KCTD8: variants seen among roughly 807,000 people sequenced by gnomAD.
KCTD8 encodes potassium channel tetramerization domain containing 8.
In KCTD8, 27 loss-of-function variants were observed where a neutral mutation model predicts 31.5. That is an observed-to-expected ratio of 0.86 (90% CI 0.63 to 1.18). The LOEUF (loss-of-function observed/expected upper bound fraction) is 1.18, where lower values mean the gene tolerates loss of function less well. Among genes scored for constraint, KCTD8 ranks in the 50% most tolerant of loss-of-function variants. The pLI is 0.00. For synonymous variants in KCTD8, 290 were observed against 280.0 expected (o/e 1.04, Z -0.36); for missense variants, 658 against 647.7 (o/e 1.02, Z -0.17).
At chr4:44,245,648 G>T (rs1715642906) in intron 1 of KCTD8, among the ~76,000 whole-genome samples, 1 of 151,920 alleles carries the variant, frequency 6.6e-6, no homozygotes, top group South Asian at 2.1e-4. Context: ...TCAAGAAAAT[G>T]AGATTAAAAG....
chr4:44,439,631 A>C (rs1323190337), intron 1 of KCTD8, among the ~76,000 whole-genome samples: 1 of 152,106 alleles, frequency 6.6e-6, no homozygotes, highest in Non-Finnish European at 1.5e-5. Flanking sequence ...ATGCCTTTTA[A>C]AAAATGAATC....
intron 1 of KCTD8, among the ~76,000 whole-genome samples, chr4:44,396,781 T>C (rs557682291): frequency 6.6e-6 from 1 of 152,236 alleles, no homozygotes; most frequent in East Asian, 1.9e-4. Context: ...TCATCACACA[T>C]TTCAGACCCA....
intron 1 of KCTD8, among the ~76,000 whole-genome samples, chr4:44,392,132 A>G (rs1443968911): frequency 6.6e-6 from 1 of 151,894 alleles, no homozygotes; most frequent in Non-Finnish European, 1.5e-5. Context: ...CTTATTATTT[A>G]GACTTATGCT....
chr4:44,445,486 A>G (rs2109487673), intron 1 of KCTD8, among the ~76,000 whole-genome samples: 1 of 152,326 alleles, frequency 6.6e-6, no homozygotes, highest in East Asian at 1.9e-4. Flanking sequence ...CTGTAGCTCT[A>G]GAAGTGAAAC....
chr4:44,393,637 T>C (rs979399899), intron 1 of KCTD8, among the ~76,000 whole-genome samples: 8 of 151,722 alleles, frequency 5.3e-5, no homozygotes, highest in Non-Finnish European at 1.2e-4. Context: ...AACTTTTATG[T>C]ATTTACAATG....
In KCTD8 at chr4:44,448,161, C is replaced by G. The variant is rs1490304860; in HGVS notation, c.363G>C (p.Pro121=). 1.9e-6 allele frequency: 3 copies of G among 1,612,502 alleles called. No homozygotes were observed. The highest frequency in any genetic ancestry group is 1.7e-5 in the Admixed American group (1 of 59,984). ...GCCGCTCCTTCTCGGGGAAGTGCTC[C>G]GGCAGCGCGAGTTGCTTGTCCCGCA... The part of the protein sequence containing the change: ...DYLRDKQLAL[P]EHFPEKERLL... Residue 121 remains proline (P), a synonymous_variant, in exon 1 of 2, where the codon CCG becomes CCC. Coordinates refer to ENST00000360029, the MANE Select transcript of KCTD8 (RefSeq NM_198353.3). The surrounding 1 kb of genome is among the most constrained non-coding windows in gnomAD (Gnocchi z 4.1).
At chr4:44,250,849 A>T (rs1424737721) in intron 1 of KCTD8, among the ~76,000 whole-genome samples, 1 of 151,748 alleles carries the variant, frequency 6.6e-6, no homozygotes, top group Non-Finnish European at 1.5e-5. Flanking sequence ...ATTTCCTCCA[A>T]TTCAAAACTT....
chr4:44,319,166 A>C (rs1252162981), intron 1 of KCTD8, among the ~76,000 whole-genome samples: 3 of 152,216 alleles, frequency 2.0e-5, no homozygotes, highest in African/African-American at 7.2e-5. Context: ...TGGAAGATAG[A>C]GAGAACTTGG....
chr4:44,197,096 A>T (rs1458857151), intron 1 of KCTD8, among the ~76,000 whole-genome samples: 1 of 152,118 alleles, frequency 6.6e-6, no homozygotes, highest in African/African-American at 2.4e-5. Context: ...TCCCCCGGAA[A>T]ACATGCAGAT....
intron 1 of KCTD8, among the ~76,000 whole-genome samples, chr4:44,230,414 A>C (rs1234886798): frequency 6.6e-6 from 1 of 152,186 alleles, no homozygotes; most frequent in Non-Finnish European, 1.5e-5. Context: ...ACAGGCATAA[A>C]ATGTTTAAAG....
intron 1 of KCTD8, among the ~76,000 whole-genome samples, chr4:44,301,017 T>A (rs1373512235): frequency 2.0e-5 from 3 of 151,880 alleles, no homozygotes; most frequent in African/African-American, 7.3e-5. Context: ...ATTTCCAATT[T>A]CATCCATGTC....
At chr4:44,345,664 T>A (rs1719016907) in intron 1 of KCTD8, among the ~76,000 whole-genome samples, 1 of 152,140 alleles carries the variant, frequency 6.6e-6, no homozygotes, top group South Asian at 2.1e-4. Context: ...ACCAAACTTA[T>A]ACCTTCTCTT....
chr4:44,383,092 C>T (rs1720116352), intron 1 of KCTD8, among the ~76,000 whole-genome samples: 1 of 150,968 alleles, frequency 6.6e-6, no homozygotes, highest in Admixed American at 6.6e-5. Context: ...ACCTAGAATA[C>T]CTATGAATAG....
At chr4:44,289,662 C>A (rs746894405) in intron 1 of KCTD8, among the ~76,000 whole-genome samples, 1 of 152,134 alleles carries the variant, frequency 6.6e-6, no homozygotes, top group African/African-American at 2.4e-5. Flanking sequence ...ATCCCACAAC[C>A]CCCATAGACA....
chr4:44,351,699 T>C (rs923613936), intron 1 of KCTD8, among the ~76,000 whole-genome samples: 1 of 152,030 alleles, frequency 6.6e-6, no homozygotes, highest in Non-Finnish European at 1.5e-5. Context: ...TATGGTACAA[T>C]AGAACATAGA....
intron 1 of KCTD8, among the ~76,000 whole-genome samples, chr4:44,271,408 G>A (rs554630414): frequency 5.3e-5 from 8 of 152,218 alleles, no homozygotes; most frequent in Middle Eastern, 3.4e-3. Flanking sequence ...AACAGCCTGC[G>A]GGCTCTGGAC....
chr4:44,209,708 T>C (rs1351946032), intron 1 of KCTD8, among the ~76,000 whole-genome samples: 1 of 152,308 alleles, frequency 6.6e-6, no homozygotes, highest in Non-Finnish European at 1.5e-5. Context: ...CCATGATTAC[T>C]CAGTTCATTG....
intron 1 of KCTD8, among the ~76,000 whole-genome samples, chr4:44,392,229 C>T (rs1720393139): frequency 6.6e-6 from 1 of 151,832 alleles, no homozygotes; most frequent in Non-Finnish European, 1.5e-5. Flanking sequence ...TAAGTTGATC[C>T]CTAAGAAAGG....
chr4:44,272,483 T>G (rs940701389), intron 1 of KCTD8, among the ~76,000 whole-genome samples: 2 of 152,074 alleles, frequency 1.3e-5, no homozygotes, highest in Non-Finnish European at 2.9e-5. Flanking sequence ...CATCAGATAT[T>G]TAAAATATGT....
Sources: gnomAD v4.1 joint callset for allele counts (sites outside exome capture counted in the v4.1 genomes callset) on GRCh38, gnomAD v4.1.1 for gene constraint, Gnocchi (gnomAD v3.1) non-coding constraint, MANE v1.5 for transcripts, NCBI Gene and HGNC (gene_info 2026-07-23, HGNC 2026-07-21) for gene names.